The following EIF2AK4 variants were observed in gnomAD, a reference collection of about 807,000 sequenced individuals.
The protein encoded by EIF2AK4 is eukaryotic translation initiation factor 2 alpha kinase 4, also known as eIF-2-alpha kinase GCN2.
EIF2AK4 carries 139 observed loss-of-function variants against 211.1 expected under a neutral mutation model. The observed-to-expected ratio is 0.66, with a 90% CI of 0.57 to 0.76. EIF2AK4 has a LOEUF of 0.76. Among genes scored for constraint, EIF2AK4 ranks in the 30% least tolerant of loss-of-function variants. The pLI, the probability that EIF2AK4 is intolerant of heterozygous loss-of-function variation, is 0.00. For missense variants in EIF2AK4, 1,664 were observed against 2,043.8 expected (o/e 0.81, Z 3.58); for synonymous variants, 710 against 751.3 (o/e 0.94, Z 0.90).
At chr15:39,967,168 G>A (rs1008907850) in intron 8 of EIF2AK4, among the ~76,000 whole-genome samples, 176 bp from the exon 9 acceptor site, 1 of 151,930 alleles carries the variant, frequency 6.6e-6, no homozygotes, top group African/African-American at 2.4e-5. Flanking sequence ...TCAGTTTAGG[G>A]CATATTTGTT....
chr15:40,010,455 A>G (rs2035219861), intron 26 of EIF2AK4, among the ~76,000 whole-genome samples: 1 of 152,204 alleles, frequency 6.6e-6, no homozygotes, highest in African/African-American at 2.4e-5. Context: ...ATTACTTTAT[A>G]GTATATGTGC....
chr15:39,976,842 C>T lies in EIF2AK4; in HGVS notation c.2247C>T (p.Phe749=), dbSNP rs1330626981. Residue 749 remains phenylalanine (F), a splice_region_variant and synonymous_variant, in exon 12 of 39, where the codon TTC becomes TTT. Transcript: ENST00000263791. Reference sequence around the variant, plus strand: ...ACGGTGGCGTCTTCTCCCAGTCCTTCCTGTAAGCGCACGGCGCGGACCAGC... The same window carrying T: ...ACGGTGGCGTCTTCTCCCAGTCCTTTCTGTAAGCGCACGGCGCGGACCAGC... ...DEHGGVFSQS[F]LPASDSESDI... The T allele has an allele frequency of 1.3e-6, 2 of 1,515,612 alleles. No individual in the cohort carries two copies. 93.9% of individuals were successfully genotyped at this position (1,515,612 alleles called of 1,614,324 possible).
intron 23 of EIF2AK4, among the ~76,000 whole-genome samples, chr15:40,004,775 A>C (rs1342218847): frequency 1.3e-5 from 2 of 152,186 alleles, no homozygotes; most frequent in African/African-American, 4.8e-5. Context: ...GGCTGGTCTC[A>C]AACTGCTGGA....
intron 7 of EIF2AK4, among the ~76,000 whole-genome samples, chr15:39,964,902 T>C (rs12438989): frequency 0.34 from 52,466 of 152,088 alleles, 9,109 homozygotes; most frequent in Middle Eastern, 0.36. Context: ...ATTCAAATTT[T>C]GCACTTAGAA....
chr15:39,981,936 T>C (rs1039212945), intron 13 of EIF2AK4, among the ~76,000 whole-genome samples: 1 of 149,640 alleles, frequency 6.7e-6, no homozygotes, highest in Non-Finnish European at 1.5e-5. Flanking sequence ...TTTTTTTTTT[T>C]TTTTTTTGAG....
chr15:39,970,204 T>C (rs1361792355), intron 9 of EIF2AK4, among the ~76,000 whole-genome samples: 2 of 152,248 alleles, frequency 1.3e-5, no homozygotes, highest in Non-Finnish European at 2.9e-5. Context: ...AAGCTGAACC[T>C]TTTCTATATA....
chr15:40,013,144 G>A (rs1008604503), intron 27 of EIF2AK4, among the ~76,000 whole-genome samples: 3 of 151,962 alleles, frequency 2.0e-5, no homozygotes, highest in Admixed American at 6.6e-5. Flanking sequence ...ATTTTAAATC[G>A]AATACATGAT....
chr15:39,986,286 A>G (rs1362334054), intron 14 of EIF2AK4, among the ~76,000 whole-genome samples: 2 of 152,270 alleles, frequency 1.3e-5, no homozygotes, highest in African/African-American at 4.8e-5. Context: ...GAGTTCCATA[A>G]GTGCTAGACT....
intron 19 of EIF2AK4, among the ~76,000 whole-genome samples, chr15:39,998,446 G>C (rs2035050459): frequency 6.6e-6 from 1 of 151,976 alleles, no homozygotes; most frequent in Non-Finnish European, 1.5e-5. Flanking sequence ...GTTACTGCCT[G>C]AGCTAAAAGG....
intron 13 of EIF2AK4, among the ~76,000 whole-genome samples, chr15:39,980,564 A>G (rs912023003): frequency 1.3e-5 from 2 of 152,218 alleles, no homozygotes; most frequent in African/African-American, 4.8e-5. Context: ...GGCCTCACAT[A>G]CTAACCTGGA....
chr15:39,981,964 G>GC (rs2034795638), intron 13 of EIF2AK4, among the ~76,000 whole-genome samples: 2 of 130,622 alleles, frequency 1.5e-5, no homozygotes, highest in Non-Finnish European at 3.1e-5. Flanking sequence ...CTCACTCATC[G>GC]CCCAGGCTGG....
intron 6 of EIF2AK4, among the ~76,000 whole-genome samples, chr15:39,957,129 A>G (rs1264164851): frequency 6.6e-6 from 1 of 152,234 alleles, no homozygotes; most frequent in Non-Finnish European, 1.5e-5. Flanking sequence ...TATCTAACAA[A>G]TTTTTGTTGT....
In EIF2AK4 at chr15:39,985,820, G is replaced by A; in HGVS notation, c.2335G>A (p.Glu779Lys). 6.2e-7 allele frequency: 1 copy of A among 1,614,134 alleles called. No homozygotes were observed. Among genetic ancestry groups the A allele is most frequent in the Non-Finnish European group, 8.5e-7 (1 of 1,180,000 alleles). ...KSQNQDEDCNEKNGCHESEPS... is the reference protein window; with the variant it reads ...KSQNQDEDCNKKNGCHESEPS... ...CTTGGGTTAGGATGAAGATTGCAAT[G>A]AAAAGAATGGCTGCCATGAAAGTGA... Residue 779 changes from glutamate (E) to lysine (K), a missense_variant, in exon 14 of 39, where the codon GAA (glutamate) becomes AAA (lysine). Around this residue, in one of 7 missense-constraint regions of EIF2AK4, gnomAD observed 206 missense variants for 201.9 expected, o/e 1.02. Transcript: ENST00000263791.
intron 16 of EIF2AK4, chr15:39,991,656 A>G (rs112439417): frequency 4.6e-5 from 7 of 153,818 alleles, no homozygotes; most frequent in African/African-American, 1.7e-4. Flanking sequence ...AAGTGCAGAC[A>G]TAACAATAGT....
chr15:39,986,025 T>A lies in EIF2AK4; in HGVS notation c.2403+137T>A, dbSNP rs2034860356. 3 of 728,426 alleles carry A rather than the reference T, an allele frequency of 4.1e-6. No homozygotes were observed. In the East Asian group the frequency reaches 8.7e-5, roughly 21 times the overall value. 45.1% of individuals were successfully genotyped at this position (728,426 alleles called of 1,614,324 possible). On this transcript the variant is annotated intron_variant, in intron 14 of 38. Coordinates refer to ENST00000263791, the MANE Select transcript of EIF2AK4 (RefSeq NM_001013703.4). Reference sequence around the variant, plus strand: ...CCAAAGATTAATTGGCCGAGAGGATTACCATATGGAGGCCCTTTTCCCCAG... The same window carrying A: ...CCAAAGATTAATTGGCCGAGAGGATAACCATATGGAGGCCCTTTTCCCCAG...
intron 32 of EIF2AK4, among the ~76,000 whole-genome samples, chr15:40,025,763 A>AT (rs2035458323): frequency 6.6e-6 from 1 of 152,196 alleles, no homozygotes; most frequent in Non-Finnish European, 1.5e-5. Flanking sequence ...TGTCCTGTGC[A>AT]TTAACAGCAT....
chr15:39,998,470 G>C (rs539789632), intron 19 of EIF2AK4, among the ~76,000 whole-genome samples: 3 of 152,068 alleles, frequency 2.0e-5, no homozygotes, highest in African/African-American at 4.8e-5. Flanking sequence ...CAATGTTATA[G>C]TATGTGAGGT....
chr15:40,030,514 A>G lies in EIF2AK4; in HGVS notation c.4659+58A>G, dbSNP rs564768127. The G allele has an allele frequency of 7.8e-5, 114 of 1,459,350 alleles. 1 individual carries two copies. The South Asian group carries it at 1.3e-3, about 17-fold the overall frequency. The allele number at this position is 1,459,350 out of a possible 1,614,324, so 90.4% of individuals were successfully genotyped here. On this transcript the variant is annotated intron_variant, in intron 35 of 38. Coordinates refer to ENST00000263791, the MANE Select transcript of EIF2AK4 (RefSeq NM_001013703.4). ...ATATGAGTTACAGAAGAGAAAAACA[A>G]CAACAGGAAAGGAAAATAAGATAAA...
intron 13 of EIF2AK4, among the ~76,000 whole-genome samples, chr15:39,983,845 C>T (rs984601537): frequency 6.6e-6 from 1 of 152,160 alleles, no homozygotes; most frequent in Non-Finnish European, 1.5e-5. Flanking sequence ...TGCAGAGGCT[C>T]TTTAGTTTAA....
Sources: gnomAD v4.1 joint callset for allele counts (sites outside exome capture counted in the v4.1 genomes callset) on GRCh38, gnomAD v4.1.1 for gene constraint, gnomAD v4.1.1 regional missense constraint, MANE v1.5 for transcripts, NCBI Gene and HGNC (gene_info 2026-07-23, HGNC 2026-07-21) for gene names.